PZP: variants seen among roughly 807,000 people sequenced by gnomAD.
PZP encodes the protein PZP alpha-2-macroglobulin like.
In PZP, 150 loss-of-function variants were observed where a neutral mutation model predicts 179.8. The ratio of observed to expected loss-of-function variants is 0.83; its 90% CI spans 0.73 to 0.96. The LOEUF (loss-of-function observed/expected upper bound fraction) is 0.96. Among genes scored for constraint, PZP ranks in the 40% least tolerant of loss-of-function variants. PZP has a pLI of 0.00. For synonymous variants in PZP, 624 were observed against 652.3 expected (o/e 0.96, Z 0.66); for missense variants, 1,689 against 1,764.0 (o/e 0.96, Z 0.76).
In PZP at chr12:9,166,092, A is replaced by C. The variant is rs751724709; in HGVS notation, c.2218T>G (p.Tyr740Asp). 20 of 1,611,414 alleles carry C rather than the reference A, an allele frequency of 1.2e-5. No homozygotes were observed. The African/African-American group carries it at 1.6e-4, about 13-fold the overall frequency. Residue 740 changes from tyrosine to aspartate, a missense_variant, in exon 18 of 36, where the codon TAT (tyrosine) becomes GAT (aspartate). Coordinates refer to ENST00000261336, the MANE Select transcript of PZP (RefSeq NM_002864.3). ...SGPVPETVRSYFPETWIWELV... is the reference protein window; with the variant it reads ...SGPVPETVRSDFPETWIWELV... ...TCCCAGATCCAAGTCTCAGGAAAATAGCTTCGCACCGTTTCAGGGACTGGC... is the reference window on the plus strand; with the variant it reads ...TCCCAGATCCAAGTCTCAGGAAAATCGCTTCGCACCGTTTCAGGGACTGGC...
chr12:9,164,077 C>T (rs1941409975), intron 20 of PZP, 56 bp downstream of exon 20: 2 of 1,535,046 alleles, frequency 1.3e-6, no homozygotes, highest in Non-Finnish European at 1.8e-6. Context: ...GAAAAAAGTA[C>T]TCAGACAGCC....
rs1476316962 is a variant in PZP, at chr12:9,157,076, T to C, written c.3550+99A>G. On this transcript the variant is annotated intron_variant, in intron 28 of 35. Transcript: ENST00000261336. ...GCATTAGCTATCTATCCTGATGCTC[T>C]CCCTCTCCGCACCTCCCAGACAGGC... The C allele has an allele frequency of 2.6e-6, 3 of 1,165,536 alleles. No individual in the cohort carries two copies. The African/African-American group carries it at 4.6e-5, about 18-fold the overall frequency. 72.2% of individuals were successfully genotyped at this position (1,165,536 alleles called of 1,614,324 possible).
rs1941787422 is a variant in PZP, at chr12:9,168,985, A to G, written c.2002-11T>C. Reference sequence around the variant, plus strand: ...CTTCAATCCCATCCCCTGGAAAAAAATAATTGTTCAATCTACTTGTAAGCT... The same window carrying G: ...CTTCAATCCCATCCCCTGGAAAAAAGTAATTGTTCAATCTACTTGTAAGCT... On this transcript the variant is annotated splice_polypyrimidine_tract_variant and intron_variant, in intron 16 of 35. Coordinates refer to ENST00000261336, the MANE Select transcript of PZP (RefSeq NM_002864.3). 1.3e-6 allele frequency: 2 copies of G among 1,583,310 alleles called. No homozygotes were observed.
intron 13 of PZP, among the ~76,000 whole-genome samples, chr12:9,188,681 G>A (rs929776802): frequency 6.6e-6 from 1 of 152,096 alleles, no homozygotes; most frequent in Non-Finnish European, 1.5e-5. Context: ...AAAATTTCAG[G>A]ATACAAAATC....
chr12:9,155,055 G>C (rs1232873916), intron 28 of PZP, among the ~76,000 whole-genome samples: 1 of 152,186 alleles, frequency 6.6e-6, no homozygotes, highest in Non-Finnish European at 1.5e-5. Context: ...GATGGAGGAA[G>C]AAGCATAGAG....
chr12:9,137,851 T>C, the PZP span, among the ~76,000 whole-genome samples: 1 of 152,144 alleles, frequency 6.6e-6, no homozygotes, highest in Non-Finnish European at 1.5e-5. Flanking sequence ...GCAACTGATT[T>C]TTGTAAGTTG....
rs940311022 is a variant in PZP, at chr12:9,170,695, G to A, written c.1840-1104C>T. On this transcript the variant is annotated intron_variant, in intron 15 of 35. Transcript: ENST00000261336. The surrounding 1 kb of genome is among the most constrained non-coding windows in gnomAD (Gnocchi z 4.6). ...ATACAGATGGTCTGGATGAGGAACG[G>A]TCCCCCACGATGCAGCACAGCTGCC... is the stretch of plus-strand genomic sequence containing the variant. 7.2e-5 allele frequency among the ~76,000 whole-genome samples: 11 copies of A among 152,194 alleles called. No individual in the cohort carries two copies. The East Asian group carries it at 1.9e-3, about 27-fold the overall frequency.
chr12:9,182,240 T>C (rs1942817411), intron 13 of PZP, 123 bp from the exon 14 acceptor site: 2 of 894,344 alleles, frequency 2.2e-6, no homozygotes, highest in Non-Finnish European at 1.6e-6. Context: ...TTCATTCTAA[T>C]GGCTTAGTCT....
rs753862040 is a variant in PZP, at chr12:9,154,815, G to C, written c.3575C>G (p.Pro1192Arg). ...KEDNLVHWERPQRPKAPVGHL... is the reference protein window; with the variant it reads ...KEDNLVHWERRQRPKAPVGHL... ...CCCCACTGGTGCCTTGGGTCTCTGA[G>C]GGCGCTCCCAATGGACGAGGTTGTC... is the stretch of plus-strand genomic sequence containing the variant. Residue 1192 changes from proline to arginine, a missense_variant, in exon 29 of 36, where the codon CCT becomes CGT. Pro to Arg is a moderately radical substitution (Grantham distance 103). This residue lies in a region of PZP where 746 missense variants were observed against 749.2 expected (regional missense o/e 1.00). Coordinates refer to ENST00000261336, the MANE Select transcript of PZP (RefSeq NM_002864.3). The C allele has an allele frequency of 1.2e-5, 19 of 1,614,030 alleles. No individual in the cohort carries two copies. Among genetic ancestry groups the C allele is most frequent in the Non-Finnish European group, 1.5e-5 (18 of 1,180,012 alleles).
In PZP at chr12:9,192,646, A is replaced by G. The variant is rs760696297; in HGVS notation, c.1348T>C (p.Leu450=). ...TCCAGGTGAATGTAACTTCCACTTA[A>G]GGAGAAAACACGATTTGCAGTGTGC... is the stretch of plus-strand genomic sequence containing the variant. ...AQHTANRVFS[L]SGSYIHLEPV... is the part of the protein sequence containing the mutation. The change falls in exon 12 of 36, where the codon TTA becomes CTA. Residue 450 remains leucine, a synonymous_variant. Transcript: ENST00000261336. 1.9e-6 allele frequency: 3 copies of G among 1,614,116 alleles called. No homozygotes were observed. Among genetic ancestry groups the G allele is most frequent in the East Asian group, 2.2e-5 (1 of 44,882 alleles).
In PZP at chr12:9,162,580, T is replaced by C. The variant is rs757994940; in HGVS notation, c.2788+17A>G. ...TGTGGTTTTGATCTCACTATGATTATGAAGATGGACTCTTACCTGAGGCAC... is the reference window on the plus strand; with the variant it reads ...TGTGGTTTTGATCTCACTATGATTACGAAGATGGACTCTTACCTGAGGCAC... On this transcript the variant is annotated intron_variant, in intron 22 of 35. Coordinates refer to ENST00000261336, the MANE Select transcript of PZP (RefSeq NM_002864.3). 1.3e-6 allele frequency: 2 copies of C among 1,550,178 alleles called. No individual in the cohort carries two copies. Among genetic ancestry groups the C allele is most frequent in the South Asian group, 2.2e-5 (2 of 88,908 alleles).
At chr12:9,188,054 T>C (rs1247312775) in intron 13 of PZP, among the ~76,000 whole-genome samples, 1 of 152,202 alleles carries the variant, frequency 6.6e-6, no homozygotes, top group Non-Finnish European at 1.5e-5. Context: ...TTGATGAACA[T>C]TGATGCAAAA....
chr12:9,179,938 C>T (rs979164470), intron 15 of PZP, among the ~76,000 whole-genome samples: 2 of 152,148 alleles, frequency 1.3e-5, no homozygotes, highest in African/African-American at 4.8e-5. Flanking sequence ...TCAGCTTGTG[C>T]CACTTATCTT....
intron 27 of PZP, among the ~76,000 whole-genome samples, 199 bp from the exon 28 acceptor site, chr12:9,157,554 C>T (rs960785673): frequency 3.9e-4 from 59 of 152,138 alleles, no homozygotes; most frequent in African/African-American, 1.4e-3. Context: ...GACTAGAGAA[C>T]CTGTTTTTAG....
chr12:9,206,849 C>T (rs1407674614), intron 1 of PZP, among the ~76,000 whole-genome samples: 1 of 152,126 alleles, frequency 6.6e-6, no homozygotes, highest in African/African-American at 2.4e-5. Context: ...GGAATGCATC[C>T]AGAACCACAA....
rs542020975 is a variant in PZP at position 9,159,505 on chromosome 12, T to C, written c.3137+433A>G. Among the ~76,000 whole-genome samples, 38 of 152,144 alleles carry C rather than the reference T, an allele frequency of 2.5e-4. No individual in the cohort carries two copies. In the South Asian group the frequency reaches 7.3e-3, roughly 29 times the overall value. ...GAGAGGTGGAGCCTTTAAGAGGTGA[T>C]TGGCTCATGAGGGTTCTGCTCTCAT... On this transcript the variant is annotated intron_variant, in intron 25 of 35. Coordinates refer to ENST00000261336, the MANE Select transcript of PZP (RefSeq NM_002864.3).
At chr12:9,143,342 T>C in the PZP span, among the ~76,000 whole-genome samples, 9 of 151,986 alleles carry the variant, frequency 5.9e-5, no homozygotes, top group Admixed American at 2.0e-4. Flanking sequence ...GTTGAAGCAG[T>C]TTTTGAATGA....
chr12:9,197,616 ATT>A (rs1211019642), intron 7 of PZP, among the ~76,000 whole-genome samples: 4 of 95,262 alleles, frequency 4.2e-5, no homozygotes, highest in South Asian at 3.1e-4. Flanking sequence ...TATATTATAT[ATT>A]TATATATTAT....
At chr12:9,180,650 C>A (rs1942696986) in intron 15 of PZP, among the ~76,000 whole-genome samples, 1 of 152,174 alleles carries the variant, frequency 6.6e-6, no homozygotes, top group South Asian at 2.1e-4. Context: ...AAAATCAATT[C>A]AAGATGGATT....
Sources: allele counts gnomAD v4.1 joint callset (sites outside exome capture counted in the v4.1 genomes callset), GRCh38; gene constraint gnomAD v4.1.1; regional missense constraint gnomAD v4.1.1; non-coding constraint Gnocchi (gnomAD v3.1); transcripts MANE v1.5; gene names NCBI Gene and HGNC (gene_info 2026-07-23, HGNC 2026-07-21).